RFX3: variants seen among roughly 807,000 people sequenced by gnomAD.
RFX3 encodes regulatory factor X3, also known as transcription factor RFX3.
RFX3 carries 14 observed loss-of-function variants against 98.6 expected under a neutral mutation model. The ratio of observed to expected loss-of-function variants is 0.14; its 90% confidence interval spans 0.09 to 0.22. RFX3 has a LOEUF of 0.22. Among genes scored for constraint, RFX3 ranks in the 10% least tolerant of loss-of-function variants. The pLI is 1.00. For missense variants in RFX3, 639 were observed against 926.9 expected (o/e 0.69, Z 4.03); for synonymous variants, 383 against 328.4 (o/e 1.17, Z -1.80).
chr9:3,520,953 T>C (rs1587927011), intron 1 of RFX3, among the ~76,000 whole-genome samples: 4 of 152,334 alleles, frequency 2.6e-5, no homozygotes, highest in Admixed American at 6.5e-5. Flanking sequence ...GTTGGGATTA[T>C]AAATGTGAAC....
At chr9:3,460,842 C>A (rs7028812) in intron 1 of RFX3, among the ~76,000 whole-genome samples, 19,371 of 151,840 alleles carry the variant, frequency 0.13, 1,485 homozygotes, top group African/African-American at 0.22. Context: ...ACAATGCTTC[C>A]CTAATCACTT....
chr9:3,448,918 A>C (rs191525695), intron 1 of RFX3, among the ~76,000 whole-genome samples: 1 of 152,172 alleles, frequency 6.6e-6, no homozygotes, highest in Non-Finnish European at 1.5e-5. Flanking sequence ...AACTCCAAAG[A>C]AGTACTGATG....
intron 15 of RFX3, among the ~76,000 whole-genome samples, chr9:3,238,967 G>C (rs1180995599): frequency 1.3e-5 from 2 of 150,316 alleles, no homozygotes; most frequent in Non-Finnish European, 2.9e-5. Context: ...TTGCACTCCA[G>C]CCTGGGCAAC....
chr9:3,267,711 T>A (rs1411581660), intron 11 of RFX3, among the ~76,000 whole-genome samples: 2 of 151,748 alleles, frequency 1.3e-5, no homozygotes, highest in African/African-American at 4.8e-5. Flanking sequence ...AAGCTTCCCA[T>A]GTTAGTCAAA....
chr9:3,503,709 T>C (rs930926378), intron 1 of RFX3, among the ~76,000 whole-genome samples: 2 of 152,162 alleles, frequency 1.3e-5, no homozygotes, highest in African/African-American at 2.4e-5. Context: ...TCTTTTTACA[T>C]GTACAAAGTT....
chr9:3,434,309 T>C (rs538803986), intron 1 of RFX3, among the ~76,000 whole-genome samples: 1 of 152,260 alleles, frequency 6.6e-6, no homozygotes, highest in Admixed American at 6.5e-5. Flanking sequence ...TATACCACTC[T>C]GCCTTATATC....
chr9:3,222,715 C>G lies in RFX3; in HGVS notation c.*2327G>C, dbSNP rs116524541. The stretch of plus-strand genomic sequence containing the variant: ...ATGCACAATGAAGTAGATACATGAA[C>G]TTTTGCAGATTATCATGTTTTGTTT... On this transcript the variant is annotated 3_prime_UTR_variant, in exon 17 of 17. Transcript: ENST00000617270. 11 of 152,146 alleles carry G rather than the reference C, an allele frequency of 7.2e-5. No homozygotes were observed. Among genetic ancestry groups the G allele is most frequent in the African/African-American group, 2.4e-4 (10 of 41,520 alleles). 9.4% of individuals were successfully genotyped at this position (152,146 alleles called of 1,614,324 possible).
At chr9:3,504,260 T>G (rs923525333) in intron 1 of RFX3, among the ~76,000 whole-genome samples, 1 of 131,742 alleles carries the variant, frequency 7.6e-6, no homozygotes, top group East Asian at 2.5e-4. Flanking sequence ...TTATATATAA[T>G]ATATACTATA....
At chr9:3,385,661 T>C (rs896153184) in intron 2 of RFX3, among the ~76,000 whole-genome samples, 1 of 143,876 alleles carries the variant, frequency 7.0e-6, no homozygotes, top group Non-Finnish European at 1.5e-5. Context: ...TGAGCCAAGA[T>C]TGCACCATTG....
At chr9:3,524,810 T>A (rs1431986510) in intron 1 of RFX3, among the ~76,000 whole-genome samples, 2 of 142,878 alleles carry the variant, frequency 1.4e-5, no homozygotes, top group Non-Finnish European at 3.0e-5. Context: ...ATGCCCTGCA[T>A]CCGGTTTAAA....
At chr9:3,449,761 G>A (rs539766655) in intron 1 of RFX3, among the ~76,000 whole-genome samples, 17 of 152,046 alleles carry the variant, frequency 1.1e-4, no homozygotes, top group Non-Finnish European at 1.0e-4. Context: ...GCTGAGGCAG[G>A]AGGATCGTTT....
At chr9:3,334,168 T>C (rs972422022) in intron 3 of RFX3, among the ~76,000 whole-genome samples, 3 of 152,192 alleles carry the variant, frequency 2.0e-5, no homozygotes, top group African/African-American at 7.2e-5. Flanking sequence ...GCTTAACAAG[T>C]GGAATAGGGA....
At position 3,505,114 on chromosome 9, in the gene RFX3, TTTA is replaced by T. The variant is rs1178917625; in HGVS notation, c.-9+20630_-9+20632del. On this transcript the variant is annotated intron_variant, in intron 1 of 16. Coordinates refer to ENST00000617270, the MANE Select transcript of RFX3 (RefSeq NM_001282116.2). ...TTATATATTTAGATTTATTTTATAT[TTTA>T]TTTTTATATATTTATATTTATATAT... 4.1e-5 allele frequency among the ~76,000 whole-genome samples: 4 copies of T among 98,670 alleles called. No individual in the cohort carries two copies. In the South Asian group the frequency reaches 1.3e-3, roughly 33 times the overall value. 64.7% of individuals were successfully genotyped at this position (98,670 alleles called of 152,430 possible). A position where few individuals can be genotyped will look rare whatever the true frequency, so the allele number is the denominator to read the frequency against.
chr9:3,354,609 A>C (rs2131295049), intron 2 of RFX3, among the ~76,000 whole-genome samples: 1 of 152,050 alleles, frequency 6.6e-6, no homozygotes, highest in South Asian at 2.1e-4. Flanking sequence ...AAATTTCCAT[A>C]ACCAGTGAAA....
intron 1 of RFX3, among the ~76,000 whole-genome samples, chr9:3,483,038 G>A (rs1849930229): frequency 6.6e-6 from 1 of 152,096 alleles, no homozygotes; most frequent in Admixed American, 6.6e-5. Flanking sequence ...TTGCTTCATA[G>A]ATCTCTCAGC....
At chr9:3,357,826 A>G (rs1027217775) in intron 2 of RFX3, among the ~76,000 whole-genome samples, 10 of 152,114 alleles carry the variant, frequency 6.6e-5, no homozygotes, top group African/African-American at 1.9e-4. Context: ...CATATTGCAT[A>G]TGTGTATCAA....
In RFX3 at chr9:3,299,677, T is replaced by C. The variant is rs369011093; in HGVS notation, c.549+1869A>G. On this transcript the variant is annotated intron_variant, in intron 5 of 16. Coordinates refer to ENST00000617270, the MANE Select transcript of RFX3 (RefSeq NM_001282116.2). ...GAAGCCATGAAGTAATAAATATTTG[T>C]CATTGTTTATGCAGCTTAATTCAAA... Among the ~76,000 whole-genome samples the C allele has an allele frequency of 1.7e-3, 260 of 151,892 alleles. 3 individuals are homozygous for C. Among genetic ancestry groups the C allele is most frequent in the African/African-American group, 6.1e-3 (252 of 41,536 alleles).
At chr9:3,370,297 C>T (rs1240752865) in intron 2 of RFX3, among the ~76,000 whole-genome samples, 1 of 151,072 alleles carries the variant, frequency 6.6e-6, no homozygotes, top group Admixed American at 6.6e-5. Context: ...GAAAACTGAA[C>T]AAAATACTTA....
At chr9:3,334,022 T>TA (rs1360366946) in intron 3 of RFX3, among the ~76,000 whole-genome samples, 2 of 152,184 alleles carry the variant, frequency 1.3e-5, no homozygotes, top group African/African-American at 4.8e-5. Flanking sequence ...TTGAATTACT[T>TA]AGTCTAAAGC....
Sources: allele counts gnomAD v4.1 joint callset (sites outside exome capture counted in the v4.1 genomes callset), GRCh38; gene constraint gnomAD v4.1.1; transcripts MANE v1.5; gene names NCBI Gene and HGNC (gene_info 2026-07-23, HGNC 2026-07-21).